Variants in SLC4A5 observed in about 807,000 individuals in gnomAD.
SLC4A5 encodes solute carrier family 4 member 5.
A neutral mutation model predicts 120.4 loss-of-function variants in SLC4A5; 96 were observed. The observed-to-expected ratio is 0.80, with a 90% CI of 0.68 to 0.94. The LOEUF is 0.94. SLC4A5 is among the 40% of genes least tolerant of loss of function. SLC4A5 has a pLI of 0.00. For synonymous variants in SLC4A5, 550 were observed against 571.1 expected (o/e 0.96, Z 0.53); for missense variants, 1,259 against 1,459.5 (o/e 0.86, Z 2.24).
chr2:74,260,854 T>G (rs922453237), intron 11 of SLC4A5, among the ~76,000 whole-genome samples: 56 of 152,222 alleles, frequency 3.7e-4, no homozygotes, highest in Admixed American at 3.9e-4. Context: ...CGGGTTCTTT[T>G]GCTGGGTGCA....
At chr2:74,296,693 G>C (rs1672338466) in intron 7 of SLC4A5, among the ~76,000 whole-genome samples, 1 of 150,838 alleles carries the variant, frequency 6.6e-6, no homozygotes, top group East Asian at 2.0e-4. Context: ...GGAGGCTGAG[G>C]CAGGAGAATT....
chr2:74,254,745 G>T (rs776652023), intron 13 of SLC4A5, 39 bp from the exon 14 acceptor site: 52 of 1,433,714 alleles, frequency 3.6e-5, no homozygotes, highest in Non-Finnish European at 5.0e-5. Context: ...GAAGATTAAG[G>T]AAGAGGAGCA....
At chr2:74,232,559 G>A in exon 24 of SLC4A5, 1 of 1,614,050 alleles carries the variant, frequency 6.2e-7, no homozygotes, top group Non-Finnish European at 8.5e-7. Flanking sequence ...GATGACCGTG[G>A]CAGCCACGTA....
intron 7 of SLC4A5, among the ~76,000 whole-genome samples, chr2:74,291,676 G>T (rs943277038): frequency 1.3e-5 from 2 of 152,190 alleles, no homozygotes; most frequent in African/African-American, 4.8e-5. Context: ...GCTATGTTTT[G>T]CAAGGCTGGT....
At chr2:74,240,586 T>C (rs903849400) in intron 20 of SLC4A5, among the ~76,000 whole-genome samples, 2 of 151,994 alleles carry the variant, frequency 1.3e-5, no homozygotes, top group Non-Finnish European at 2.9e-5. Flanking sequence ...CTGGGCAACA[T>C]AGTGAGACCT....
chr2:74,219,218 TGTTTGTG>T (rs1694544329), intron 30 of SLC4A5, among the ~76,000 whole-genome samples: 1 of 104,948 alleles, frequency 9.5e-6, no homozygotes, highest in East Asian at 2.4e-4. Context: ...TGTGTGTGTG[TGTTTGTG>T]TGTGTTTTCA....
intron 21 of SLC4A5, among the ~76,000 whole-genome samples, chr2:74,238,461 G>A (rs1484034750): frequency 6.6e-6 from 1 of 152,056 alleles, no homozygotes; most frequent in East Asian, 1.9e-4. Flanking sequence ...GAGCTTGGGA[G>A]ACAAAGATAT....
intron 8 of SLC4A5, among the ~76,000 whole-genome samples, chr2:74,278,514 C>T (rs1671714056): frequency 6.6e-6 from 1 of 152,118 alleles, no homozygotes; most frequent in Non-Finnish European, 1.5e-5. Context: ...GATGAAAGCC[C>T]CTAGCATAGC....
chr2:74,238,989 A>G (rs139828548), intron 21 of SLC4A5, among the ~76,000 whole-genome samples: 1 of 152,250 alleles, frequency 6.6e-6, no homozygotes, highest in Admixed American at 6.5e-5. Flanking sequence ...AAAATGTGCA[A>G]GAGATTTCAA....
intron 26 of SLC4A5, 84 bp from the exon 27 acceptor site, chr2:74,227,214 T>G (rs1573002924): frequency 1.4e-6 from 2 of 1,451,068 alleles, no homozygotes; most frequent in Non-Finnish European, 1.8e-6. Flanking sequence ...GGTGCCTGGG[T>G]GGGGTCTCAG....
chr2:74,231,103 G>C (rs111471281), intron 25 of SLC4A5, 133 bp downstream of exon 25: 1 of 769,840 alleles, frequency 1.3e-6, no homozygotes, highest in Non-Finnish European at 2.1e-6. Flanking sequence ...CACCATGCCC[G>C]GCCAAGACTG....
intron 12 of SLC4A5, among the ~76,000 whole-genome samples, chr2:74,257,928 G>T (rs1307959016): frequency 6.6e-6 from 1 of 152,160 alleles, no homozygotes; most frequent in African/African-American, 2.4e-5. Context: ...CCAGGGAGTT[G>T]GTCCTTCCTT....
intron 7 of SLC4A5, 134 bp from the exon 8 acceptor site, chr2:74,286,036 T>C: frequency 1.0e-6 from 1 of 973,382 alleles, no homozygotes; most frequent in South Asian, 1.9e-5. Flanking sequence ...GTCCAGCTCC[T>C]GGGTGATGCT....
At chr2:74,302,696 A>T (rs1378760709) in intron 7 of SLC4A5, among the ~76,000 whole-genome samples, 1 of 152,206 alleles carries the variant, frequency 6.6e-6, no homozygotes, top group East Asian at 1.9e-4. Context: ...TTAACTGAAC[A>T]AGACACCACC....
chr2:74,253,672 C>T (rs538832630), intron 14 of SLC4A5, among the ~76,000 whole-genome samples: 35 of 151,950 alleles, frequency 2.3e-4, no homozygotes, highest in South Asian at 8.3e-4. Context: ...TCTTTGAGGC[C>T]GAAGCAAATC....
intron 5 of SLC4A5, among the ~76,000 whole-genome samples, chr2:74,325,608 C>A (rs370169840): frequency 1.9e-3 from 291 of 152,338 alleles, no homozygotes; most frequent in South Asian, 9.1e-3. Context: ...AACAGAATTT[C>A]TACCTCCAGC....
chr2:74,297,399 C>T (rs1481757391), intron 7 of SLC4A5, among the ~76,000 whole-genome samples: 1 of 152,200 alleles, frequency 6.6e-6, no homozygotes, highest in Non-Finnish European at 1.5e-5. Context: ...CTTCCTCCCT[C>T]ATCCTGGGAC....
intron 8 of SLC4A5, among the ~76,000 whole-genome samples, chr2:74,280,376 A>G (rs1463348905): frequency 2.0e-5 from 3 of 151,964 alleles, no homozygotes; most frequent in African/African-American, 7.3e-5. Flanking sequence ...CCATTACCAA[A>G]TGCCCCCTTA....
intron 1 of SLC4A5, 43 bp downstream of exon 1, chr2:74,343,313 A>C (rs1475439794): frequency 6.6e-6 from 1 of 152,216 alleles, no homozygotes; most frequent in African/African-American, 2.4e-5. Flanking sequence ...CAGAACCTAC[A>C]ACCACTCTGT....
Sources: allele counts gnomAD v4.1 joint callset (sites outside exome capture counted in the v4.1 genomes callset), GRCh38; gene constraint gnomAD v4.1.1; transcripts MANE v1.5; gene names NCBI Gene and HGNC (gene_info 2026-07-23, HGNC 2026-07-21).